DPP6: variants seen among roughly 807,000 people sequenced by gnomAD.
The protein encoded by DPP6 is dipeptidyl peptidase like 6.
DPP6 carries 69 observed loss-of-function variants against 122.6 expected under a neutral mutation model. The ratio of observed to expected loss-of-function variants is 0.56; its 90% CI spans 0.46 to 0.69. DPP6 has a LOEUF of 0.69. Among genes scored for constraint, DPP6 ranks in the 30% least tolerant of loss-of-function variants. The pLI, the probability that DPP6 is intolerant of heterozygous loss-of-function variation, is 0.00. For synonymous variants in DPP6, 418 were observed against 433.1 expected, an observed-to-expected ratio of 0.97 and a Z score of 0.43; for missense variants, 928 against 1,116.9, an observed-to-expected ratio of 0.83 and a Z score of 2.41.
intron 1 of DPP6, among the ~76,000 whole-genome samples, chr7:154,305,800 T>C (rs1239734185): frequency 1.3e-5 from 2 of 151,954 alleles, no homozygotes; most frequent in East Asian, 3.9e-4. Context: ...CGCCCTGGCT[T>C]GATGATTAAG....
chr7:154,400,948 A>G (rs896260519), intron 1 of DPP6, among the ~76,000 whole-genome samples: 4 of 152,156 alleles, frequency 2.6e-5, no homozygotes, highest in African/African-American at 7.2e-5. Flanking sequence ...CACACCTGTA[A>G]TACCAGCACT....
chr7:154,667,390 G>A (rs1354186930), intron 6 of DPP6, among the ~76,000 whole-genome samples: 1 of 152,174 alleles, frequency 6.6e-6, no homozygotes, highest in Non-Finnish European at 1.5e-5. Flanking sequence ...CAGGGTTCAA[G>A]AGGAATTAAC....
intron 6 of DPP6, among the ~76,000 whole-genome samples, chr7:154,654,688 G>A (rs1837127932): frequency 6.6e-6 from 1 of 151,872 alleles, no homozygotes; most frequent in African/African-American, 2.4e-5. Context: ...AAAGTGCTGG[G>A]ATTACAAGCG....
chr7:154,222,799 C>G, intron 1 of DPP6, among the ~76,000 whole-genome samples: 1 of 149,322 alleles, frequency 6.7e-6, no homozygotes, highest in Non-Finnish European at 1.5e-5. Flanking sequence ...ACCTGCATCT[C>G]TTTGGTGATC....
intron 1 of DPP6, among the ~76,000 whole-genome samples, chr7:154,399,555 C>A (rs6958670): frequency 0.13 from 20,447 of 152,198 alleles, 2,014 homozygotes; most frequent in African/African-American, 0.27. Context: ...GTGTTAGTTT[C>A]TTTACATCTT....
intron 1 of DPP6, among the ~76,000 whole-genome samples, chr7:154,011,415 G>A (rs1208800267): frequency 1.3e-5 from 2 of 152,062 alleles, no homozygotes; most frequent in Admixed American, 6.5e-5. Flanking sequence ...CCTGTCTTTG[G>A]GCCGTTCCAT....
At chr7:154,520,476 A>G (rs769901005) in intron 3 of DPP6, among the ~76,000 whole-genome samples, 6 of 152,242 alleles carry the variant, frequency 3.9e-5, no homozygotes, top group Non-Finnish European at 7.3e-5. Flanking sequence ...AAAGCCTAAA[A>G]TAGAGGCCAA....
At chr7:154,174,240 T>C (rs536547485) in intron 1 of DPP6, among the ~76,000 whole-genome samples, 3 of 152,308 alleles carry the variant, frequency 2.0e-5, no homozygotes, top group Admixed American at 6.5e-5. Context: ...TGTTTACCCA[T>C]TGGAAAACTG....
At chr7:154,007,967 G>A (rs983422793) in intron 1 of DPP6, among the ~76,000 whole-genome samples, 1 of 152,234 alleles carries the variant, frequency 6.6e-6, no homozygotes, top group Non-Finnish European at 1.5e-5. Context: ...GTGAGGCTCA[G>A]CGAGATGCAA....
At chr7:154,555,994 A>T (rs998746677) in intron 4 of DPP6, among the ~76,000 whole-genome samples, 2 of 152,176 alleles carry the variant, frequency 1.3e-5, no homozygotes, top group Non-Finnish European at 2.9e-5. Flanking sequence ...TTTAGTGTAA[A>T]CATTTTGCAA....
intron 1 of DPP6, among the ~76,000 whole-genome samples, chr7:154,067,306 C>T (rs563742187): frequency 7.4e-6 from 1 of 136,028 alleles, no homozygotes; most frequent in Admixed American, 7.8e-5. Flanking sequence ...CCCATGGGAG[C>T]GAGAGGAGGG....
intron 2 of DPP6, among the ~76,000 whole-genome samples, chr7:154,455,132 C>T (rs1316541874): frequency 6.6e-5 from 10 of 152,194 alleles, no homozygotes; most frequent in African/African-American, 1.7e-4. Flanking sequence ...CTCGCCCACA[C>T]GCACAGGAAG....
At chr7:154,284,663 T>A (rs1211869847) in intron 1 of DPP6, among the ~76,000 whole-genome samples, 1 of 152,234 alleles carries the variant, frequency 6.6e-6, no homozygotes, top group Non-Finnish European at 1.5e-5. Flanking sequence ...AAGACCAGCC[T>A]GACCAAGATG....
chr7:154,088,835 C>G (rs1167048380), intron 1 of DPP6, among the ~76,000 whole-genome samples: 1 of 152,162 alleles, frequency 6.6e-6, no homozygotes, highest in Non-Finnish European at 1.5e-5. Flanking sequence ...CTCTAACCAC[C>G]TGTGGATATT....
chr7:153,865,920 G>A, the DPP6 span, among the ~76,000 whole-genome samples: 1 of 150,696 alleles, frequency 6.6e-6, no homozygotes, highest in Non-Finnish European at 1.5e-5. Flanking sequence ...TTTTGTCCTT[G>A]CGATAGTTTG....
chr7:153,927,320 A>T (rs903361666), intron 1 of DPP6, among the ~76,000 whole-genome samples: 1 of 152,238 alleles, frequency 6.6e-6, no homozygotes, highest in African/African-American at 2.4e-5. Flanking sequence ...CTCTAAAATC[A>T]ATGAGTAAAT....
intron 1 of DPP6, among the ~76,000 whole-genome samples, chr7:154,174,874 C>CTTTTTTT (rs147664898): frequency 1.4e-5 from 2 of 142,586 alleles, no homozygotes. Context: ...TTCTTTCTTT[C>CTTTTTTT]TTTCTTTTTT....
At chr7:154,582,120 C>G (rs1256482765) in intron 5 of DPP6, among the ~76,000 whole-genome samples, 1 of 152,194 alleles carries the variant, frequency 6.6e-6, no homozygotes, top group Non-Finnish European at 1.5e-5. Context: ...GGACCAGCCA[C>G]CACCTGCACT....
chr7:154,016,823 AT>A (rs1255127788), intron 1 of DPP6, among the ~76,000 whole-genome samples: 3 of 152,154 alleles, frequency 2.0e-5, no homozygotes, highest in African/African-American at 7.2e-5. Flanking sequence ...AAGCCACTTC[AT>A]TTTGAGCCAT....
Sources: allele counts gnomAD v4.1 joint callset (sites outside exome capture counted in the v4.1 genomes callset), GRCh38; gene constraint gnomAD v4.1.1; transcripts MANE v1.5; gene names NCBI Gene and HGNC (gene_info 2026-07-23, HGNC 2026-07-21).